Variants in CCDC175 observed in about 807,000 individuals in gnomAD.
The protein encoded by CCDC175 is coiled-coil domain-containing protein 175.
Under a neutral mutation model 114.6 loss-of-function variants are expected in CCDC175, and 100 were observed. The observed-to-expected ratio is 0.87, with a 90% CI of 0.74 to 1.03. The LOEUF (loss-of-function observed/expected upper bound fraction) is 1.03, where lower values mean the gene tolerates loss of function less well. Among genes scored for constraint, CCDC175 ranks in the 50% least tolerant of loss-of-function variants. CCDC175 has a pLI of 0.00. For synonymous variants in CCDC175, 306 were observed against 308.7 expected (o/e 0.99, Z 0.09); for missense variants, 880 against 917.8 (o/e 0.96, Z 0.53).
intron 19 of CCDC175, among the ~76,000 whole-genome samples, chr14:59,509,594 G>A (rs555337420): frequency 6.6e-6 from 1 of 152,192 alleles, no homozygotes; most frequent in South Asian, 2.1e-4. Flanking sequence ...CTAACTGCAG[G>A]CTCGACCTCC....
chr14:59,510,812 A>G lies in CCDC175; in HGVS notation c.2143-4T>C, dbSNP rs1490184409. 1 of 1,534,532 alleles carries G rather than the reference A, an allele frequency of 6.5e-7. No individual in the cohort carries two copies. The highest frequency in any genetic ancestry group is 2.0e-5 in the Admixed American group (1 of 50,868). ...CTTCACCATTGTCCACCAAGATCTA[A>G]AGAAATGGCATTTTAGGCTGTGTCA... On this transcript the variant is annotated splice_region_variant and splice_polypyrimidine_tract_variant and intron_variant, in intron 18 of 19. Transcript: ENST00000537690.
At chr14:59,552,396 C>A (rs143466661) in intron 7 of CCDC175, among the ~76,000 whole-genome samples, 6 of 152,226 alleles carry the variant, frequency 3.9e-5, no homozygotes, top group Non-Finnish European at 7.3e-5. Flanking sequence ...AACAGACCTG[C>A]AGCTGAGGGT....
intron 19 of CCDC175, among the ~76,000 whole-genome samples, chr14:59,507,202 C>T (rs994562720): frequency 6.6e-6 from 1 of 152,200 alleles, no homozygotes; most frequent in South Asian, 2.1e-4. Flanking sequence ...CTCCACTCAG[C>T]CTTGCTACTT....
At chr14:59,529,477 C>T (rs889647455) in intron 14 of CCDC175, among the ~76,000 whole-genome samples, 1 of 152,166 alleles carries the variant, frequency 6.6e-6, no homozygotes, top group Non-Finnish European at 1.5e-5. Flanking sequence ...CCCTGTGACT[C>T]ATCTCAGCTG....
intron 17 of CCDC175, among the ~76,000 whole-genome samples, chr14:59,519,703 G>A (rs1251545767): frequency 6.6e-6 from 1 of 152,174 alleles, no homozygotes; most frequent in Non-Finnish European, 1.5e-5. Context: ...TTTTTTCCCT[G>A]ACATGATGCT....
chr14:59,574,074 G>A (rs775895225), intron 2 of CCDC175, among the ~76,000 whole-genome samples: 1 of 152,148 alleles, frequency 6.6e-6, no homozygotes, highest in Non-Finnish European at 1.5e-5. Flanking sequence ...GCACCACAGA[G>A]CTGCACAACA....
intron 16 of CCDC175, among the ~76,000 whole-genome samples, chr14:59,521,884 C>T (rs944828255): frequency 1.3e-5 from 2 of 152,228 alleles, no homozygotes; most frequent in African/African-American, 4.8e-5. Flanking sequence ...TGAAGCATTT[C>T]ACTTCAGCAT....
At chr14:59,555,158 C>CA (rs977158840) in intron 7 of CCDC175, among the ~76,000 whole-genome samples, 4 of 151,898 alleles carry the variant, frequency 2.6e-5, no homozygotes, top group Admixed American at 2.6e-4. Context: ...AGAGACACAA[C>CA]AAAAAAAGAG....
chr14:59,525,769 C>A (rs1317975487), intron 15 of CCDC175, among the ~76,000 whole-genome samples: 1 of 152,104 alleles, frequency 6.6e-6, no homozygotes, highest in African/African-American at 2.4e-5. Context: ...ATAATAACAA[C>A]AACAAATAAT....
At chr14:59,521,905 A>G (rs1893446553) in intron 16 of CCDC175, among the ~76,000 whole-genome samples, 1 of 152,250 alleles carries the variant, frequency 6.6e-6, no homozygotes, top group Non-Finnish European at 1.5e-5. Context: ...TTAAATAAAC[A>G]TGGCATTCTG....
At chr14:59,539,638 G>C (rs1022003107) in intron 11 of CCDC175, among the ~76,000 whole-genome samples, 16 of 152,028 alleles carry the variant, frequency 1.1e-4, no homozygotes, top group African/African-American at 2.9e-4. Context: ...CATTGGCCAG[G>C]CATGGTGGCT....
intron 4 of CCDC175, among the ~76,000 whole-genome samples, chr14:59,567,264 A>G (rs1896609175): frequency 6.6e-6 from 1 of 152,206 alleles, no homozygotes; most frequent in South Asian, 2.1e-4. Context: ...GGATTAGAGT[A>G]TGTGGTATTT....
chr14:59,561,088 C>T (rs1896201247), intron 7 of CCDC175, 31 bp downstream of exon 7: 1 of 1,128,618 alleles, frequency 8.9e-7, no homozygotes, highest in Non-Finnish European at 1.3e-6. Context: ...TATCTCGAAA[C>T]ATTTAAGTAA....
At chr14:59,571,590 C>T (rs760115861) in intron 3 of CCDC175, among the ~76,000 whole-genome samples, 1 of 152,090 alleles carries the variant, frequency 6.6e-6, no homozygotes, top group Non-Finnish European at 1.5e-5. Flanking sequence ...TGGATAACAA[C>T]CAGATAAAAC....
chr14:59,550,962 AATATGAT>A (rs1895436569), intron 8 of CCDC175, among the ~76,000 whole-genome samples: 1 of 152,214 alleles, frequency 6.6e-6, no homozygotes, highest in African/African-American at 2.4e-5. Context: ...TAACCATCAC[AATATGAT>A]ATATAATATT....
At chr14:59,575,370 T>C (rs1897050939) in intron 1 of CCDC175, among the ~76,000 whole-genome samples, 1 of 152,238 alleles carries the variant, frequency 6.6e-6, no homozygotes, top group South Asian at 2.1e-4. Context: ...AGTACTAGGG[T>C]TGCATTGGCA....
intron 10 of CCDC175, among the ~76,000 whole-genome samples, chr14:59,541,906 C>A (rs192018325): frequency 1.8e-4 from 28 of 152,238 alleles, no homozygotes; most frequent in African/African-American, 6.7e-4. Flanking sequence ...ATTAGTAGTT[C>A]GTAGTTTTCC....
At chr14:59,575,871 G>T (rs539122969) in intron 1 of CCDC175, among the ~76,000 whole-genome samples, 1 of 152,042 alleles carries the variant, frequency 6.6e-6, no homozygotes, top group Non-Finnish European at 1.5e-5. Context: ...TTAACCTAGC[G>T]CATTTAAGAA....
chr14:59,524,500 C>A (rs1226988321), intron 16 of CCDC175, among the ~76,000 whole-genome samples: 1 of 152,176 alleles, frequency 6.6e-6, no homozygotes, highest in African/African-American at 2.4e-5. Context: ...GGTGCTTCAA[C>A]AGTGATCAGG....
Sources: gnomAD v4.1 joint callset for allele counts (sites outside exome capture counted in the v4.1 genomes callset) on GRCh38, gnomAD v4.1.1 for gene constraint, MANE v1.5 for transcripts, NCBI Gene and HGNC (gene_info 2026-07-23, HGNC 2026-07-21) for gene names.